CAPN7: variants seen among roughly 807,000 people sequenced by gnomAD.
CAPN7 encodes calpain-7.
A neutral mutation model predicts 115.2 loss-of-function variants in CAPN7; 72 were observed. The ratio of observed to expected loss-of-function variants is 0.63; its 90% CI spans 0.52 to 0.76. The LOEUF (loss-of-function observed/expected upper bound fraction) is 0.76, where lower values mean the gene tolerates loss of function less well. Ranked by LOEUF, CAPN7 falls within the 30% of genes least tolerant of loss-of-function variation. The pLI is 0.00. For synonymous variants in CAPN7, 344 were observed against 322.3 expected (o/e 1.07, Z -0.72); for missense variants, 905 against 971.5 (o/e 0.93, Z 0.91).
intron 2 of CAPN7, among the ~76,000 whole-genome samples, chr3:15,215,194 G>A (rs2045177868): frequency 6.6e-6 from 1 of 152,102 alleles, no homozygotes; most frequent in African/African-American, 2.4e-5. Context: ...GGAGGCTAAG[G>A]CAGAAGGGTC....
At chr3:15,210,869 G>C in intron 1 of CAPN7, 1 of 1,289,254 alleles carries the variant, frequency 7.8e-7, no homozygotes, top group Non-Finnish European at 1.0e-6. Context: ...TGGCATCTTT[G>C]GAAACAGGCA....
At chr3:15,238,372 C>T (rs1436258035) in intron 12 of CAPN7, among the ~76,000 whole-genome samples, 2 of 151,910 alleles carry the variant, frequency 1.3e-5, no homozygotes, top group African/African-American at 4.8e-5. Flanking sequence ...CCTTGGCCTC[C>T]CAAAGTGCTG....
chr3:15,220,509 G>A (rs1559390948), intron 4 of CAPN7, among the ~76,000 whole-genome samples: 2 of 152,192 alleles, frequency 1.3e-5, no homozygotes, highest in African/African-American at 2.4e-5. Context: ...GGTAGGGATT[G>A]TTTTATACGT....
chr3:15,230,320 T>C (rs1418326191), intron 8 of CAPN7, 122 bp from the exon 9 acceptor site: 3 of 531,008 alleles, frequency 5.6e-6, no homozygotes, highest in East Asian at 3.0e-5. Context: ...TAGGAAAATA[T>C]TCTCCTGTTT....
chr3:15,227,127 A>AG (rs1559396805), intron 6 of CAPN7, among the ~76,000 whole-genome samples: 3 of 149,376 alleles, frequency 2.0e-5, no homozygotes, highest in African/African-American at 7.5e-5. Context: ...AAAAAAAAAA[A>AG]GTTTAGGGAA....
At chr3:15,212,626 C>G (rs1013048305) in intron 2 of CAPN7, among the ~76,000 whole-genome samples, 7 of 152,112 alleles carry the variant, frequency 4.6e-5, no homozygotes, top group Non-Finnish European at 8.8e-5. Context: ...CTTTCGGTGT[C>G]TTCTACTTTC....
At chr3:15,208,593 T>C (rs1002188932) in intron 1 of CAPN7, among the ~76,000 whole-genome samples, 2 of 151,990 alleles carry the variant, frequency 1.3e-5, no homozygotes, top group Non-Finnish European at 2.9e-5. Flanking sequence ...TCTGTGCCTG[T>C]CCAGTGTACT....
intron 19 of CAPN7, among the ~76,000 whole-genome samples, chr3:15,250,314 G>T (rs933104233): frequency 6.6e-6 from 1 of 152,042 alleles, no homozygotes; most frequent in African/African-American, 2.4e-5. Context: ...GGGCAAGGCT[G>T]CAGTGAGCCA....
intron 1 of CAPN7, chr3:15,210,834 G>T (rs2124864538): frequency 7.8e-7 from 1 of 1,289,420 alleles, no homozygotes; most frequent in Admixed American, 2.3e-5. Context: ...CAAACAACTG[G>T]ATTCAAAAAG....
chr3:15,246,857 A>C, intron 18 of CAPN7, 63 bp downstream of exon 18: 1 of 1,196,594 alleles, frequency 8.4e-7, no homozygotes, highest in Non-Finnish European at 1.2e-6. Context: ...TCCCTTTCCC[A>C]TTTCTCTCAT....
chr3:15,206,620 G>GGTCGGAGTTGCTCA (rs1181867241), intron 1 of CAPN7, 23 bp downstream of exon 1: 2 of 1,517,278 alleles, frequency 1.3e-6, no homozygotes, highest in Admixed American at 2.0e-5. Context: ...CCGGCGCTTC[G>GGTCGGAGTTGCTCA]GTCGGAGTTG....
chr3:15,229,095 A>G, intron 8 of CAPN7, 36 bp downstream of exon 8: 3 of 1,441,732 alleles, frequency 2.1e-6, no homozygotes, highest in East Asian at 2.3e-5. Flanking sequence ...TTTTTGTGTA[A>G]TTGTCCCTTA....
At chr3:15,222,126 T>C (rs1351816607) in intron 5 of CAPN7, among the ~76,000 whole-genome samples, 1 of 150,774 alleles carries the variant, frequency 6.6e-6, no homozygotes, top group Non-Finnish European at 1.5e-5. Flanking sequence ...CTAAGCTATA[T>C]ACCATATGGC....
intron 9 of CAPN7, 75 bp from the exon 10 acceptor site, chr3:15,232,444 A>T: frequency 8.6e-7 from 1 of 1,165,482 alleles, no homozygotes. Context: ...TATGAAAGGT[A>T]TGTTTTTATT....
At position 15,208,210 on chromosome 3, in the gene CAPN7, CT is replaced by C. The variant is rs537018111; in HGVS notation, c.102+1628del. On this transcript the variant is annotated intron_variant, in intron 1 of 20. Transcript: ENST00000253693. Reference sequence around the variant, plus strand: ...GTTTTTTTATGCGTATGTGTATATGCTTTTTTTTTTTTTTTACAAACTGGTT... The same window carrying C: ...GTTTTTTTATGCGTATGTGTATATGCTTTTTTTTTTTTTTACAAACTGGTT... Among the ~76,000 whole-genome samples, 461 of 124,180 alleles carry C rather than the reference CT, an allele frequency of 3.7e-3. 1 individual carries two copies. Among genetic ancestry groups the C allele is most frequent in the Non-Finnish European group, 4.3e-3 (243 of 56,842 alleles). The allele number at this position is 124,180 out of a possible 152,430, so 81.5% of individuals were successfully genotyped here. A position where few individuals can be genotyped will look rare whatever the true frequency, so the allele number is the denominator to read the frequency against.
intron 17 of CAPN7, chr3:15,246,431 A>G (rs756833925): frequency 6.4e-6 from 2 of 312,962 alleles, no homozygotes; most frequent in Non-Finnish European, 1.2e-5. Flanking sequence ...CTCAATTTGA[A>G]TAGATTTTTA....
rs1693942207 is a variant in CAPN7, at chr3:15,220,912, CATTTAT to C, written c.571_576del (p.Phe191_Ile192del). On this transcript the variant is annotated inframe_deletion, in exon 5 of 21. Transcript: ENST00000253693. ...AATCCCTTCCTTGAAAGACCTCAGT[CATTTAT>C]AAGTCCTCAGTCATGTGATGCACAA... The C allele has an allele frequency of 6.2e-7, 1 of 1,614,096 alleles. No individual in the cohort carries two copies. Among genetic ancestry groups the C allele is most frequent in the East Asian group, 2.2e-5 (1 of 44,886 alleles).
intron 12 of CAPN7, among the ~76,000 whole-genome samples, chr3:15,236,926 A>G (rs1695026048): frequency 6.6e-6 from 1 of 152,228 alleles, no homozygotes; most frequent in African/African-American, 2.4e-5. Flanking sequence ...ACATTGCTGT[A>G]CACTACTGTA....
chr3:15,246,716 CTT>C lies in CAPN7; in HGVS notation c.2011-10_2011-9del, dbSNP rs564665696. 6.4e-7 allele frequency: 1 copy of C among 1,551,558 alleles called. No individual in the cohort carries two copies. Reference sequence around the variant, plus strand: ...TAAGTGTAAAATTTATCAATACAGTCTTTTTTTAAATCTAGGTATATTCAGCA... The same window carrying C: ...TAAGTGTAAAATTTATCAATACAGTCTTTTTAAATCTAGGTATATTCAGCA... On this transcript the variant is annotated splice_polypyrimidine_tract_variant and intron_variant, in intron 17 of 20. Coordinates refer to ENST00000253693, the MANE Select transcript of CAPN7 (RefSeq NM_014296.3).
Sources: gnomAD v4.1 joint callset for allele counts (sites outside exome capture counted in the v4.1 genomes callset) on GRCh38, gnomAD v4.1.1 for gene constraint, MANE v1.5 for transcripts, NCBI Gene and HGNC (gene_info 2026-07-23, HGNC 2026-07-21) for gene names.